MTRR: variants seen among roughly 807,000 people sequenced by gnomAD.
The protein encoded by MTRR is 5-methyltetrahydrofolate-homocysteine methyltransferase reductase, also known as methionine synthase reductase.
In MTRR, 63 loss-of-function variants were observed where a neutral mutation model predicts 79.2. The ratio of observed to expected loss-of-function variants is 0.80; its 90% CI spans 0.65 to 0.98. The LOEUF (loss-of-function observed/expected upper bound fraction) is 0.98, where lower values mean the gene tolerates loss of function less well. Ranked by LOEUF, MTRR falls within the 50% of genes least tolerant of loss-of-function variation. The pLI is 0.00. For missense variants in MTRR, 895 were observed against 839.6 expected, an observed-to-expected ratio of 1.07 and a Z score of -0.82; for synonymous variants, 355 against 313.3, an observed-to-expected ratio of 1.13 and a Z score of -1.41.
Position 7,854,406 on chromosome 5 carries a change from G to A in MTRR, n.391+2821G>A, listed in dbSNP as rs532788513. 5.3e-5 allele frequency among the ~76,000 whole-genome samples: 8 copies of A among 151,940 alleles called. No homozygotes were observed. The South Asian group carries it at 6.3e-4, about 12-fold the overall frequency. On this transcript the variant is annotated intron_variant and non_coding_transcript_variant, in intron 1 of 3. Transcript: ENST00000502509. Reference sequence around the variant, plus strand: ...AGTTTATTAAGGAGTATTAACTCACGTGATCACAAGTTCCCTGTATTAGTT... The same window carrying A: ...AGTTTATTAAGGAGTATTAACTCACATGATCACAAGTTCCCTGTATTAGTT...
At chr5:7,875,171 T>C in intron 3 of MTRR, 87 bp from the exon 4 acceptor site, 1 of 900,332 alleles carries the variant, frequency 1.1e-6, no homozygotes, top group East Asian at 2.4e-5. Flanking sequence ...CATGAAATAG[T>C]ATTATTTTAG....
chr5:7,877,837 TA>T, intron 4 of MTRR, 106 bp from the exon 5 acceptor site: 1 of 1,474,476 alleles, frequency 6.8e-7, no homozygotes, highest in Non-Finnish European at 9.4e-7. Flanking sequence ...ATAGTGTTTC[TA>T]ACAAGTGCAT....
upstream of MTRR, among the ~76,000 whole-genome samples, chr5:7,865,689 G>C (rs1746895960): frequency 6.6e-6 from 1 of 152,094 alleles, no homozygotes; most frequent in African/African-American, 2.4e-5. Context: ...AACCTCCTAA[G>C]AAATCTTAAA....
chr5:7,863,049 G>A (rs750518720), intron 2 of MTRR: 1 of 1,494,800 alleles, frequency 6.7e-7, no homozygotes, highest in Admixed American at 1.8e-5. Context: ...TATAACAACA[G>A]AGAATAAATT....
chr5:7,885,888 G>A (rs144287921), intron 7 of MTRR, 34 bp downstream of exon 7: 1 of 1,613,780 alleles, frequency 6.2e-7, no homozygotes, highest in African/African-American at 1.3e-5. Context: ...TTGGGGTGTT[G>A]TGGGCCAGTG....
intron 6 of MTRR, 83 bp downstream of exon 6, chr5:7,883,360 T>C: frequency 6.4e-7 from 1 of 1,572,752 alleles, no homozygotes; most frequent in Non-Finnish European, 8.7e-7. Context: ...TTATATATGC[T>C]GAGTGGTGTG....
chr5:7,897,280 G>C (rs1351955940), intron 14 of MTRR, 33 bp downstream of exon 14: 1 of 1,609,988 alleles, frequency 6.2e-7, no homozygotes, highest in Admixed American at 1.7e-5. Context: ...TCGGGTAGGA[G>C]AGGGCCATCA....
chr5:7,861,206 CAGTA>C (rs770692497), intron 1 of MTRR: 16 of 1,612,696 alleles, frequency 9.9e-6, no homozygotes, highest in South Asian at 6.6e-5. Flanking sequence ...CTTCTTTCCC[CAGTA>C]AGTGTTTGCT....
At chr5:7,869,077 GC>G, upstream of MTRR, 1 of 1,586,696 alleles carries the variant, frequency 6.3e-7, no homozygotes. Flanking sequence ...TCAGGGCGGC[GC>G]AATGTGATTG....
chr5:7,873,145 C>G (rs1395963547), intron 2 of MTRR, among the ~76,000 whole-genome samples: 1 of 152,176 alleles, frequency 6.6e-6, no homozygotes, highest in Non-Finnish European at 1.5e-5. Flanking sequence ...CCCCCAACCT[C>G]TTGATGAGCA....
Position 7,851,798 on chromosome 5 carries a change from A to G in MTRR, n.391+213A>G, listed in dbSNP as rs141875018. 6.4e-3 allele frequency among the ~76,000 whole-genome samples: 977 copies of G among 152,198 alleles called. 6 individuals are homozygous for G. Among genetic ancestry groups the G allele is most frequent in the Middle Eastern group, 0.014 (4 of 294 alleles). ...GGCCCTTGATCTGAATGCTGGGTCA[A>G]TACCTGCGTTCCGTTTGTTGAAAAT... On this transcript the variant is annotated intron_variant and non_coding_transcript_variant, in intron 1 of 3. Transcript: ENST00000502509.
intron 1 of MTRR, chr5:7,859,283 G>C (rs771492424): frequency 2.1e-5 from 9 of 434,466 alleles, no homozygotes; most frequent in African/African-American, 4.1e-5. Context: ...CACAATAAAT[G>C]TATACATAGT....
rs929053651 is a variant in MTRR at position 7,880,218 on chromosome 5, A to G, written c.780+1896A>G. Among the ~76,000 whole-genome samples the G allele has an allele frequency of 2.0e-5, 3 of 152,342 alleles. No individual in the cohort carries two copies. The South Asian group carries it at 6.2e-4, about 32-fold the overall frequency. ...AGTCTGATAGCACGATGCCCCTGATAGAGTAGGCTAGTGTGGTGCTTTGCA... is the reference window on the plus strand; with the variant it reads ...AGTCTGATAGCACGATGCCCCTGATGGAGTAGGCTAGTGTGGTGCTTTGCA... On this transcript the variant is annotated intron_variant, in intron 5 of 14. Coordinates refer to ENST00000440940, the MANE Select transcript of MTRR (RefSeq NM_002454.3).
intron 5 of MTRR, among the ~76,000 whole-genome samples, chr5:7,879,470 A>G (rs949597846): frequency 6.7e-6 from 1 of 150,094 alleles, no homozygotes; most frequent in Admixed American, 6.6e-5. Context: ...CTCAAAAAAA[A>G]AAAAAAAAAA....
chr5:7,853,733 C>T (rs915396423), intron 1 of MTRR, among the ~76,000 whole-genome samples: 9 of 152,162 alleles, frequency 5.9e-5, no homozygotes, highest in South Asian at 2.1e-4. Flanking sequence ...CCTGTCTGCT[C>T]GGTGGAGGCT....
chr5:7,869,409 C>T (rs542757362), intron 1 of MTRR, 194 bp downstream of exon 1: 10 of 611,522 alleles, frequency 1.6e-5, no homozygotes, highest in African/African-American at 5.6e-5. Context: ...TTGGTGTCCC[C>T]GGGAGCGTGT....
chr5:7,870,218 G>C, intron 1 of MTRR: 7 of 279,840 alleles, frequency 2.5e-5, no homozygotes, highest in Non-Finnish European at 3.9e-5. Flanking sequence ...AGGAGAGTAT[G>C]TGCTTCAGTT....
At chr5:7,873,133 C>A (rs1390058463) in intron 2 of MTRR, among the ~76,000 whole-genome samples, 2 of 152,092 alleles carry the variant, frequency 1.3e-5, no homozygotes, top group African/African-American at 2.4e-5. Context: ...ACGTGTTAAT[C>A]CCCCCCAACC....
intron 11 of MTRR, among the ~76,000 whole-genome samples, chr5:7,893,807 A>T (rs1391937437): frequency 6.6e-6 from 1 of 152,154 alleles, no homozygotes; most frequent in Admixed American, 6.5e-5. Context: ...AGGATAAGGG[A>T]TGATTGCTGC....
Sources: gnomAD v4.1 joint callset for allele counts (sites outside exome capture counted in the v4.1 genomes callset) on GRCh38, gnomAD v4.1.1 for gene constraint, MANE v1.5 for transcripts, NCBI Gene and HGNC (gene_info 2026-07-23, HGNC 2026-07-21) for gene names.